SAMD12: variants seen among roughly 807,000 people sequenced by gnomAD.
SAMD12 encodes sterile alpha motif domain containing 12, also known as sterile alpha motif domain-containing protein 12.
Under a neutral mutation model 15.0 loss-of-function variants are expected in SAMD12, and 9 were observed. That is an observed-to-expected ratio of 0.60 (90% confidence interval 0.36 to 1.05). SAMD12 has a LOEUF of 1.05. Among genes scored for constraint, SAMD12 ranks in the 50% least tolerant of loss-of-function variants. The pLI is 0.01. For synonymous variants in SAMD12, 86 were observed against 90.1 expected (o/e 0.96, Z 0.25); for missense variants, 230 against 234.2 (o/e 0.98, Z 0.12).
chr8:118,199,816 A>G (rs548075589), intron 4 of SAMD12, among the ~76,000 whole-genome samples: 1 of 152,322 alleles, frequency 6.6e-6, no homozygotes, highest in East Asian at 1.9e-4. Context: ...CCCATTTTAT[A>G]GATTAGGAAA....
At chr8:118,367,568 C>T (rs1219177699) in intron 4 of SAMD12, among the ~76,000 whole-genome samples, 1 of 152,178 alleles carries the variant, frequency 6.6e-6, no homozygotes, top group Non-Finnish European at 1.5e-5. Flanking sequence ...ATTGTCCAAA[C>T]AAGAGATATC....
At chr8:118,217,486 T>C (rs1231133198) in intron 4 of SAMD12, among the ~76,000 whole-genome samples, 2 of 152,160 alleles carry the variant, frequency 1.3e-5, no homozygotes, top group African/African-American at 4.8e-5. Flanking sequence ...ATAAAGTGCT[T>C]GAAATATTTG....
chr8:118,363,909 G>A (rs1179966670), intron 4 of SAMD12, among the ~76,000 whole-genome samples: 1 of 152,220 alleles, frequency 6.6e-6, no homozygotes, highest in African/African-American at 2.4e-5. Context: ...AAAATGTGAA[G>A]TGTGTACACA....
At chr8:118,472,924 G>T (rs1460579841) in intron 2 of SAMD12, among the ~76,000 whole-genome samples, 5 of 150,816 alleles carry the variant, frequency 3.3e-5, no homozygotes, top group African/African-American at 1.2e-4. Context: ...AAAATGGTCT[G>T]TCCTAGGAGG....
At chr8:118,520,478 T>A (rs937508411) in intron 2 of SAMD12, among the ~76,000 whole-genome samples, 1 of 152,060 alleles carries the variant, frequency 6.6e-6, no homozygotes, top group Non-Finnish European at 1.5e-5. Context: ...ATAAAGCGGG[T>A]AAAAAAGATA....
the SAMD12 span, among the ~76,000 whole-genome samples, chr8:118,182,647 C>T: frequency 0.046 from 6,938 of 152,194 alleles, 230 homozygotes; most frequent in East Asian, 0.15. Context: ...AAAAACTTGA[C>T]GAGCCTGAAA....
At chr8:118,575,861 C>T (rs772637693) in intron 2 of SAMD12, among the ~76,000 whole-genome samples, 2 of 152,124 alleles carry the variant, frequency 1.3e-5, no homozygotes, top group Non-Finnish European at 2.9e-5. Flanking sequence ...TCTAGAATTC[C>T]AAGATAGGAA....
intron 2 of SAMD12, among the ~76,000 whole-genome samples, chr8:118,557,003 A>G (rs980955556): frequency 6.6e-6 from 1 of 152,022 alleles, no homozygotes; most frequent in African/African-American, 2.4e-5. Context: ...AGAAATAGAC[A>G]TGGGTCCACC....
intron 4 of SAMD12, among the ~76,000 whole-genome samples, chr8:118,278,741 CA>C (rs1813532310): frequency 6.6e-6 from 1 of 152,114 alleles, no homozygotes; most frequent in Non-Finnish European, 1.5e-5. Flanking sequence ...GGTCAGTAAA[CA>C]AACATGCAAA....
chr8:118,516,463 A>G (rs1825247267), intron 2 of SAMD12, among the ~76,000 whole-genome samples: 1 of 152,150 alleles, frequency 6.6e-6, no homozygotes, highest in Non-Finnish European at 1.5e-5. Context: ...CTCTGGGAAT[A>G]TAGATTGCTA....
chr8:118,171,825 G>A, the SAMD12 span, among the ~76,000 whole-genome samples: 1 of 148,134 alleles, frequency 6.8e-6, no homozygotes, highest in African/African-American at 2.5e-5. Context: ...ACATTGAATT[G>A]TGCATTTAAA....
chr8:118,610,521 G>A (rs887251152), intron 1 of SAMD12, among the ~76,000 whole-genome samples: 3 of 152,124 alleles, frequency 2.0e-5, no homozygotes, highest in African/African-American at 2.4e-5. Flanking sequence ...AAATTCTCTC[G>A]ATGATTAGGT....
At chr8:118,374,217 A>G (rs191907629), downstream of SAMD12, among the ~76,000 whole-genome samples, 1 of 152,270 alleles carries the variant, frequency 6.6e-6, no homozygotes, top group Admixed American at 6.5e-5. Context: ...TAGATACTCC[A>G]TATGAGTAGA....
intron 4 of SAMD12, among the ~76,000 whole-genome samples, chr8:118,287,131 T>C (rs1035098321): frequency 6.3e-5 from 7 of 111,002 alleles, no homozygotes; most frequent in Non-Finnish European, 1.3e-4. Context: ...TATTTTTTTT[T>C]TTTTTTTTTT....
chr8:118,272,684 C>T (rs969586406), intron 4 of SAMD12, among the ~76,000 whole-genome samples: 1 of 152,178 alleles, frequency 6.6e-6, no homozygotes, highest in African/African-American at 2.4e-5. Context: ...GTTCAAAGTT[C>T]CACAGATCTC....
intron 1 of SAMD12, among the ~76,000 whole-genome samples, chr8:118,607,451 G>A (rs191339811): frequency 1.3e-5 from 2 of 152,252 alleles, no homozygotes; most frequent in Admixed American, 1.3e-4. Flanking sequence ...GGTCAGGCTG[G>A]TCTTGATCTC....
chr8:118,536,461 C>A (rs1474331947), intron 2 of SAMD12, among the ~76,000 whole-genome samples: 3 of 151,596 alleles, frequency 2.0e-5, no homozygotes, highest in Admixed American at 1.3e-4. Context: ...CACACACACA[C>A]ACACACACAC....
At chr8:118,460,706 C>T (rs539667925) in intron 2 of SAMD12, among the ~76,000 whole-genome samples, 14 of 152,006 alleles carry the variant, frequency 9.2e-5, no homozygotes, top group Non-Finnish European at 1.3e-4. Context: ...AGGAGAAGGG[C>T]GGAAAAAGCT....
chr8:118,206,363 C>T (rs1380222591), intron 4 of SAMD12, among the ~76,000 whole-genome samples: 1 of 152,070 alleles, frequency 6.6e-6, no homozygotes, highest in African/African-American at 2.4e-5. Context: ...TTGTTCTTTT[C>T]ACATAATAAA....
Sources: gnomAD v4.1 joint callset for allele counts (sites outside exome capture counted in the v4.1 genomes callset) on GRCh38, gnomAD v4.1.1 for gene constraint, MANE v1.5 for transcripts, NCBI Gene and HGNC (gene_info 2026-07-23, HGNC 2026-07-21) for gene names.